The following MEGF10 variants were observed in gnomAD, a reference collection of about 807,000 sequenced individuals.
The protein encoded by MEGF10 is multiple epidermal growth factor-like domains protein 10.
MEGF10 carries 86 observed loss-of-function variants against 147.5 expected under a neutral mutation model. The observed-to-expected ratio is 0.58, with a 90% CI of 0.49 to 0.70. The LOEUF is 0.70. Ranked by LOEUF, MEGF10 falls within the 30% of genes least tolerant of loss-of-function variation. The pLI, the probability that MEGF10 is intolerant of heterozygous loss-of-function variation, is 0.00. For missense variants in MEGF10, 1,329 were observed against 1,487.3 expected (o/e 0.89, Z 1.75); for synonymous variants, 478 against 525.5 (o/e 0.91, Z 1.24).
intron 15 of MEGF10, among the ~76,000 whole-genome samples, chr5:127,435,080 T>C (rs773671611): frequency 6.6e-6 from 1 of 152,156 alleles, no homozygotes. Flanking sequence ...CCATAAAAAA[T>C]CAATATGCGG....
chr5:127,433,161 T>C (rs573158284), intron 13 of MEGF10, among the ~76,000 whole-genome samples: 5 of 152,384 alleles, frequency 3.3e-5, no homozygotes, highest in African/African-American at 1.2e-4. Flanking sequence ...TCGTTCTTCA[T>C]GACTCCATAG....
intron 5 of MEGF10, among the ~76,000 whole-genome samples, chr5:127,371,303 G>C (rs1489555636): frequency 6.7e-6 from 1 of 149,790 alleles, no homozygotes; most frequent in East Asian, 2.0e-4. Flanking sequence ...GCAGGGTTTT[G>C]TTTTGCTTCT....
intron 14 of MEGF10, 90 bp downstream of exon 14, chr5:127,433,599 A>G (rs555919076): frequency 6.8e-7 from 1 of 1,460,068 alleles, no homozygotes; most frequent in South Asian, 1.4e-5. Context: ...CTCAGTTTAT[A>G]GTGATGTCCT....
chr5:127,239,418 G>GGA, the MEGF10 span, among the ~76,000 whole-genome samples: 1 of 118,322 alleles, frequency 8.5e-6, no homozygotes, highest in East Asian at 2.3e-4. Context: ...CACACACACG[G>GGA]GAGAGAGAGA....
intron 4 of MEGF10, among the ~76,000 whole-genome samples, chr5:127,352,616 G>A (rs1033972202): frequency 2.6e-5 from 4 of 152,106 alleles, no homozygotes; most frequent in African/African-American, 7.2e-5. Flanking sequence ...AGCCGGAGCC[G>A]AGATGGCGAC....
chr5:127,237,374 C>T, the MEGF10 span, among the ~76,000 whole-genome samples: 3 of 152,126 alleles, frequency 2.0e-5, no homozygotes, highest in Admixed American at 1.3e-4. Flanking sequence ...TGCCTATAAT[C>T]CCAGCTACTT....
the MEGF10 span, among the ~76,000 whole-genome samples, chr5:127,266,692 G>GCTTGAA: frequency 6.6e-5 from 10 of 152,268 alleles, no homozygotes; most frequent in East Asian, 1.7e-3. Context: ...AATTGTGAAT[G>GCTTGAA]GGAGTTCACT....
At chr5:127,264,814 C>A in the MEGF10 span, among the ~76,000 whole-genome samples, 1 of 151,476 alleles carries the variant, frequency 6.6e-6, no homozygotes, top group African/African-American at 2.4e-5. Flanking sequence ...AAATTTCCAA[C>A]TTTTTTTTTC....
intron 5 of MEGF10, among the ~76,000 whole-genome samples, chr5:127,389,531 C>T (rs1013000288): frequency 6.6e-6 from 1 of 152,148 alleles, no homozygotes; most frequent in African/African-American, 2.4e-5. Context: ...AAATGGCCAT[C>T]AATGGCAGAT....
chr5:127,375,670 A>G (rs1162652210), intron 5 of MEGF10, among the ~76,000 whole-genome samples: 3 of 151,888 alleles, frequency 2.0e-5, no homozygotes, highest in Non-Finnish European at 4.4e-5. Context: ...CCCCCCATCA[A>G]TTTATCTGCC....
rs566962224 is a variant in MEGF10, at chr5:127,415,479, A to G, written c.1131-2159A>G. Among the ~76,000 whole-genome samples, 3 of 152,246 alleles carry G rather than the reference A, an allele frequency of 2.0e-5. No individual in the cohort carries two copies. The East Asian group carries it at 5.8e-4, about 29-fold the overall frequency. On this transcript the variant is annotated intron_variant, in intron 9 of 24. Transcript: ENST00000503335. ...CAGCACAGTTGGAAGGCTGTTCAGGAGGTGAGGAGATAGATGGCATTGGCT... is the reference window on the plus strand; with the variant it reads ...CAGCACAGTTGGAAGGCTGTTCAGGGGGTGAGGAGATAGATGGCATTGGCT...
intron 13 of MEGF10, among the ~76,000 whole-genome samples, chr5:127,432,752 T>C (rs948985504): frequency 6.6e-6 from 1 of 152,224 alleles, no homozygotes; most frequent in Non-Finnish European, 1.5e-5. Flanking sequence ...TAATAATCGA[T>C]AGCATAGACA....
chr5:127,310,046 A>ATTTC lies in MEGF10; in HGVS notation c.-19+19008_-19+19011dup, dbSNP rs70997332. On this transcript the variant is annotated intron_variant, in intron 1 of 24. Transcript: ENST00000503335. The stretch of plus-strand genomic sequence containing the variant: ...TCTTTCTTTCTTTCCTTCTTTCTTT[A>ATTTC]TTTCTTTCTTTCTTTCTTTCTCTCT... Among the ~76,000 whole-genome samples the ATTTC allele has an allele frequency of 2.0e-4, 6 of 30,602 alleles. 1 individual carries two copies. The highest frequency in any genetic ancestry group is 1.5e-3 in the East Asian group (3 of 1,976). 20.1% of individuals were successfully genotyped at this position (30,602 alleles called of 152,430 possible). A position where few individuals can be genotyped will look rare whatever the true frequency, so the allele number is the denominator to read the frequency against.
the MEGF10 span, among the ~76,000 whole-genome samples, chr5:127,253,925 T>G: frequency 1.2e-3 from 179 of 152,196 alleles, no homozygotes; most frequent in African/African-American, 4.1e-3. Flanking sequence ...GAGAAAAAAT[T>G]GAAAAATAGT....
At chr5:127,341,403 G>A (rs1761679449) in intron 4 of MEGF10, among the ~76,000 whole-genome samples, 1 of 152,128 alleles carries the variant, frequency 6.6e-6, no homozygotes, top group South Asian at 2.1e-4. Flanking sequence ...ACAGAGAGAA[G>A]GTTCTGCTGT....
intron 15 of MEGF10, 130 bp from the exon 16 acceptor site, chr5:127,435,231 C>T (rs987026814): frequency 1.3e-5 from 14 of 1,069,082 alleles, no homozygotes; most frequent in African/African-American, 8.0e-5. Context: ...ATGAAGGATG[C>T]TGTTGAGCAG....
chr5:127,277,514 C>G, the MEGF10 span, among the ~76,000 whole-genome samples: 1 of 152,184 alleles, frequency 6.6e-6, no homozygotes, highest in South Asian at 2.1e-4. Flanking sequence ...GAGAACAAGA[C>G]TTGAAACAGA....
At chr5:127,391,084 A>ATGTGCGTG (rs146867870) in intron 5 of MEGF10, among the ~76,000 whole-genome samples, 2 of 93,542 alleles carry the variant, frequency 2.1e-5, no homozygotes, top group African/African-American at 6.3e-5. Flanking sequence ...ATACATACAC[A>ATGTGCGTG]CATGCGCGCG....
At chr5:127,288,328 T>C (rs1023735381), upstream of MEGF10, among the ~76,000 whole-genome samples, 3 of 152,120 alleles carry the variant, frequency 2.0e-5, no homozygotes, top group Non-Finnish European at 4.4e-5. Flanking sequence ...ACTGGGAGTG[T>C]ATATTGGTTA....
Sources: gnomAD v4.1 joint callset for allele counts (sites outside exome capture counted in the v4.1 genomes callset) on GRCh38, gnomAD v4.1.1 for gene constraint, MANE v1.5 for transcripts, NCBI Gene and HGNC (gene_info 2026-07-23, HGNC 2026-07-21) for gene names.